The following DBH variants were observed in gnomAD, a reference collection of about 807,000 sequenced individuals.
DBH encodes dopamine beta-hydroxylase, also known as dopamine beta-hydroxylase (dopamine beta-monooxygenase).
DBH carries 49 observed loss-of-function variants against 64.0 expected under a neutral mutation model. That is an observed-to-expected ratio of 0.77 (90% CI 0.61 to 0.97). The LOEUF is 0.97. DBH is among the 50% of genes least tolerant of loss of function. The pLI is 0.00. For synonymous variants in DBH, 343 were observed against 347.1 expected, an observed-to-expected ratio of 0.99 and a Z score of 0.13; for missense variants, 828 against 826.6, an observed-to-expected ratio of 1.00 and a Z score of -0.02.
intron 5 of DBH, among the ~76,000 whole-genome samples, chr9:133,646,094 A>G (rs1832177735): frequency 6.6e-6 from 1 of 152,102 alleles, no homozygotes; most frequent in Non-Finnish European, 1.5e-5. Flanking sequence ...TCACCCAGCT[A>G]TGTGTCTGTC....
intron 5 of DBH, 79 bp downstream of exon 5, chr9:133,644,399 G>A (rs533760253): frequency 1.4e-5 from 16 of 1,180,554 alleles, no homozygotes; most frequent in African/African-American, 4.5e-5. Context: ...CCCGCCCTTC[G>A]TCTGCCCAGC....
chr9:133,639,214 G>C (rs566916252), intron 1 of DBH, among the ~76,000 whole-genome samples: 1 of 133,866 alleles, frequency 7.5e-6, no homozygotes, highest in African/African-American at 3.0e-5. Flanking sequence ...GCAACATAGC[G>C]AGACCCTATC....
chr9:133,650,984 G>A (rs2131290940), intron 6 of DBH, among the ~76,000 whole-genome samples: 1 of 152,360 alleles, frequency 6.6e-6, no homozygotes, highest in South Asian at 2.1e-4. Context: ...TGTGAGGCCG[G>A]CCTGCAGCCT....
At position 133,642,272 on chromosome 9, in the gene DBH, C is replaced by T. The variant is rs149103223; in HGVS notation, c.552C>T (p.Asn184=). 660 of 1,613,992 alleles carry T rather than the reference C, an allele frequency of 4.1e-4. 2 individuals are homozygous for T. In the African/African-American group the frequency reaches 8.0e-3, roughly 19 times the overall value. The change falls in exon 3 of 12, where the codon AAC becomes AAT. Residue 184 remains asparagine, a synonymous_variant. Transcript: ENST00000393056. Reference sequence around the variant, plus strand: ...CGTTCCGGTCACTGGAGGCCATCAACGGCTCGGGCCTGCAGATGGGGCTGC... The same window carrying T: ...CGTTCCGGTCACTGGAGGCCATCAATGGCTCGGGCCTGCAGATGGGGCTGC... ...EEPFRSLEAI[N]GSGLQMGLQR...
intron 5 of DBH, among the ~76,000 whole-genome samples, chr9:133,646,006 A>G (rs994071871): frequency 6.6e-6 from 1 of 152,150 alleles, no homozygotes; most frequent in African/African-American, 2.4e-5. Context: ...CACTGGTGAG[A>G]AGATGGACAG....
At chr9:133,647,591 T>C (rs928999935) in intron 5 of DBH, among the ~76,000 whole-genome samples, 1 of 152,208 alleles carries the variant, frequency 6.6e-6, no homozygotes, top group Non-Finnish European at 1.5e-5. Flanking sequence ...CTAGTTTTCA[T>C]AGAAACAGCA....
chr9:133,639,608 G>A (rs538958723), intron 1 of DBH, among the ~76,000 whole-genome samples: 2 of 152,334 alleles, frequency 1.3e-5, no homozygotes, highest in Admixed American at 1.3e-4. Flanking sequence ...TGGCTGCAGA[G>A]GAGGAACCAA....
chr9:133,647,507 A>C (rs1832195713), intron 5 of DBH, among the ~76,000 whole-genome samples: 2 of 152,242 alleles, frequency 1.3e-5, no homozygotes, highest in South Asian at 4.1e-4. Flanking sequence ...GTCTATCAGC[A>C]GCATCTCACC....
Position 133,643,638 on chromosome 9 carries a change from C to T in DBH, c.921+49C>T. 1.9e-6 allele frequency: 3 copies of T among 1,597,446 alleles called. No homozygotes were observed. Among genetic ancestry groups the T allele is most frequent in the African/African-American group, 1.3e-5 (1 of 74,716 alleles). On this transcript the variant is annotated intron_variant, in intron 4 of 11. Transcript: ENST00000393056. The surrounding 1 kb of genome is among the most constrained non-coding windows in gnomAD (Gnocchi z 5.3). ...TGGTGTCTCCTGCCTGGGCCCCTGG[C>T]ATCCCCACACCTCTGTTTCCCCAGC... is the stretch of plus-strand genomic sequence containing the variant.
chr9:133,638,514 C>T (rs146630997), intron 1 of DBH, among the ~76,000 whole-genome samples: 284 of 152,264 alleles, frequency 1.9e-3, no homozygotes, highest in African/African-American at 6.5e-3. Context: ...GAAGCAGCTT[C>T]GTTTGGACAA....
At position 133,643,413 on chromosome 9, in the gene DBH, T is replaced by C; in HGVS notation, c.745T>C (p.Tyr249His). Reference sequence around the variant, plus strand: ...GGCTCAGAGGGCTGCCTCCTCACAGTACGAGCCCATCGTCACCAAGGGCAA... The same window carrying C: ...GGCTCAGAGGGCTGCCTCCTCACAGCACGAGCCCATCGTCACCAAGGGCAA... ...KGFSRHHIIK[Y>H]EPIVTKGNEA... Residue 249 changes from tyrosine (Y) to histidine (H), a missense_variant and splice_region_variant, in exon 4 of 12, where the codon TAC becomes CAC. Physicochemically the swap from Tyr to His is moderately conservative, Grantham distance 83. Coordinates refer to ENST00000393056, the MANE Select transcript of DBH (RefSeq NM_000787.4). This position sits in a 1 kb window ranked among gnomAD's most constrained non-coding sequence, Gnocchi z 5.3. 4 of 1,613,728 alleles carry C rather than the reference T, an allele frequency of 2.5e-6. No individual in the cohort carries two copies. Among genetic ancestry groups the C allele is most frequent in the Non-Finnish European group, 3.4e-6 (4 of 1,179,992 alleles).
At position 133,644,263 on chromosome 9, in the gene DBH, G is replaced by A. The variant is rs1214692953; in HGVS notation, c.967G>A (p.Gly323Arg). 1.2e-6 allele frequency: 2 copies of A among 1,614,200 alleles called. No individual in the cohort carries two copies. The highest frequency in any genetic ancestry group is 1.7e-5 in the Admixed American group (1 of 60,034). ...EEAGLAFGGP[G>R]SSRYLRLEVH... ...AGCCGGCCTTGCCTTCGGGGGTCCA[G>A]GGTCCTCCAGATATCTCCGCCTGGA... The change falls in exon 5 of 12, where the codon GGG (glycine) becomes AGG (arginine). Residue 323 changes from glycine (G) to arginine (R), a missense_variant. Coordinates refer to ENST00000393056, the MANE Select transcript of DBH (RefSeq NM_000787.4).
intron 1 of DBH, among the ~76,000 whole-genome samples, chr9:133,638,302 C>T (rs1832076022): frequency 6.6e-6 from 1 of 152,236 alleles, no homozygotes; most frequent in African/African-American, 2.4e-5. Context: ...CCAGCGGTGT[C>T]CCCAGCGGGG....
intron 11 of DBH, 30 bp from the exon 12 acceptor site, chr9:133,658,286 T>G (rs1334669796): frequency 1.2e-6 from 2 of 1,612,828 alleles, no homozygotes; most frequent in Non-Finnish European, 1.7e-6. Flanking sequence ...CCCTCCAGCC[T>G]CAGTTTACCT....
At chr9:133,657,601 C>T (rs1276593658) in intron 11 of DBH, among the ~76,000 whole-genome samples, 1 of 152,098 alleles carries the variant, frequency 6.6e-6, no homozygotes, top group East Asian at 1.9e-4. Context: ...TACCGAATGC[C>T]AAATGCAGGT....
At chr9:133,644,109 C>G (rs1159391595) in intron 4 of DBH, 109 bp from the exon 5 acceptor site, 1 of 839,994 alleles carries the variant, frequency 1.2e-6, no homozygotes, top group African/African-American at 1.7e-5. Flanking sequence ...GCTGCGCCCC[C>G]TCCACCACCC....
intron 6 of DBH, among the ~76,000 whole-genome samples, chr9:133,649,387 T>C (rs1588351142): frequency 6.6e-6 from 1 of 152,374 alleles, no homozygotes; most frequent in East Asian, 1.9e-4. Context: ...TGAGGCTTGC[T>C]GGGATCACAC....
intron 1 of DBH, among the ~76,000 whole-genome samples, chr9:133,638,996 G>A (rs529999956): frequency 2.6e-5 from 4 of 152,176 alleles, no homozygotes; most frequent in South Asian, 4.1e-4. Context: ...AAGCATCCTC[G>A]GAGAATGCAG....
At chr9:133,657,595 G>A (rs10118260) in intron 11 of DBH, among the ~76,000 whole-genome samples, 95 of 152,226 alleles carry the variant, frequency 6.2e-4, no homozygotes, top group African/African-American at 2.0e-3. Flanking sequence ...ACACTGTACC[G>A]AATGCCAAAT....
Sources: gnomAD v4.1 joint callset for allele counts (sites outside exome capture counted in the v4.1 genomes callset) on GRCh38, gnomAD v4.1.1 for gene constraint, Gnocchi (gnomAD v3.1) non-coding constraint, MANE v1.5 for transcripts, NCBI Gene and HGNC (gene_info 2026-07-23, HGNC 2026-07-21) for gene names.